TLN1: variants seen among roughly 807,000 people sequenced by gnomAD.
The protein encoded by TLN1 is talin 1, also known as talin-1.
TLN1 carries 56 observed loss-of-function variants against 292.3 expected under a neutral mutation model. That is an observed-to-expected ratio of 0.19 (90% confidence interval 0.15 to 0.24). TLN1 has a LOEUF of 0.24. Among genes scored for constraint, TLN1 ranks in the 10% least tolerant of loss-of-function variants. The pLI, the probability that TLN1 is intolerant of heterozygous loss-of-function variation, is 1.00. For missense variants in TLN1, 2,433 were observed against 3,248.2 expected (o/e 0.75, Z 6.10); for synonymous variants, 1,119 against 1,253.7 (o/e 0.89, Z 2.27).
At chr9:35,720,998 C>T in intron 10 of TLN1, 85 bp from the exon 11 acceptor site, 1 of 1,017,568 alleles carries the variant, frequency 9.8e-7, no homozygotes, top group South Asian at 1.4e-5. Context: ...CAAGGTTGAG[C>T]TGATGAGATG....
intron 20 of TLN1, among the ~76,000 whole-genome samples, chr9:35,715,487 G>A (rs938902152): frequency 1.3e-5 from 2 of 152,126 alleles, no homozygotes; most frequent in Non-Finnish European, 2.9e-5. Context: ...CTGGACAAAG[G>A]AGGACTCAGT....
Position 35,720,930 on chromosome 9 carries a change from G to T in TLN1, c.1105-17C>A. 1 of 1,584,530 alleles carries T rather than the reference G, an allele frequency of 6.3e-7. No homozygotes were observed. The highest frequency in any genetic ancestry group is 8.7e-7 in the Non-Finnish European group (1 of 1,153,216). On this transcript the variant is annotated splice_polypyrimidine_tract_variant and intron_variant, in intron 10 of 56. Transcript: ENST00000314888. ...TCCAAAATCCTAGGGTGACAAGTGG[G>T]GGACTCAGAGGGAAAGCTCAAATCT... is the stretch of plus-strand genomic sequence containing the variant.
At chr9:35,708,561 G>T in intron 33 of TLN1, 77 bp from the exon 34 acceptor site, 1 of 1,382,716 alleles carries the variant, frequency 7.2e-7, no homozygotes, top group East Asian at 2.6e-5. Context: ...AGGGACAAAA[G>T]AGAGCAGAGG....
At chr9:35,718,279 T>C (rs1312495857) in intron 17 of TLN1, among the ~76,000 whole-genome samples, 1 of 152,176 alleles carries the variant, frequency 6.6e-6, no homozygotes, top group Non-Finnish European at 1.5e-5. Context: ...CCCAGGAGGC[T>C]GAGGAAGAAG....
chr9:35,698,273 G>T lies in TLN1; in HGVS notation c.7371+50C>A, dbSNP rs1218314383. ...AGAAACATACATCTCGGGAGTGACA[G>T]TTTGAAGCAGTATAGCCCAAGGGAC... On this transcript the variant is annotated intron_variant, in intron 55 of 56. Coordinates refer to ENST00000314888, the MANE Select transcript of TLN1 (RefSeq NM_006289.4). The surrounding 1 kb of genome is among the most constrained non-coding windows in gnomAD (Gnocchi z 5.3). 3 of 1,609,342 alleles carry T rather than the reference G, an allele frequency of 1.9e-6. No homozygotes were observed. Among genetic ancestry groups the T allele is most frequent in the Non-Finnish European group, 1.7e-6 (2 of 1,176,408 alleles).
Position 35,703,632 on chromosome 9 carries a change from G to A in TLN1, c.6402C>T (p.Ala2134=), listed in dbSNP as rs765980763. Residue 2134 remains alanine (A), a synonymous_variant, in exon 48 of 57, where the codon GCC becomes GCT. Coordinates refer to ENST00000314888, the MANE Select transcript of TLN1 (RefSeq NM_006289.4). ...TGCCTTTGGTGGCCTCATCTTCCAC[G>A]GCTTTTACTGTCTTAAGCAATGATG... is the stretch of plus-strand genomic sequence containing the variant. ...NVTSLLKTVK[A]VEDEATKGTR... 6.8e-6 allele frequency: 11 copies of A among 1,614,138 alleles called. No individual in the cohort carries two copies. Among genetic ancestry groups the A allele is most frequent in the South Asian group, 5.5e-5 (5 of 91,072 alleles).
At chr9:35,703,529 CTA>C in intron 48 of TLN1, 29 bp downstream of exon 48, 1 of 1,591,568 alleles carries the variant, frequency 6.3e-7, no homozygotes, top group Non-Finnish European at 8.6e-7. Flanking sequence ...CTCTCTGACC[CTA>C]GTCACTGATG....
rs1299589817 is a variant in TLN1 at position 35,698,724 on chromosome 9, T to C, written c.7126-45A>G. 4 of 1,613,978 alleles carry C rather than the reference T, an allele frequency of 2.5e-6. No homozygotes were observed. In the South Asian group the frequency reaches 4.4e-5, roughly 18 times the overall value. ...CTACTTAGACCTGCATTTTCCTCAC[T>C]TCAAAGACTCGCTGGCTATGGATGT... On this transcript the variant is annotated intron_variant, in intron 53 of 56. Coordinates refer to ENST00000314888, the MANE Select transcript of TLN1 (RefSeq NM_006289.4). The surrounding 1 kb of genome is among the most constrained non-coding windows in gnomAD (Gnocchi z 5.3).
chr9:35,730,615 T>C (rs1826058669), intron 1 of TLN1, among the ~76,000 whole-genome samples: 1 of 151,776 alleles, frequency 6.6e-6, no homozygotes, highest in Admixed American at 6.6e-5. Context: ...TTGATGAGGG[T>C]AAATTCAGGT....
In TLN1 at chr9:35,706,376, G is replaced by A. The variant is rs553928002; in HGVS notation, c.5191-10C>T. 4 of 1,610,292 alleles carry A rather than the reference G, an allele frequency of 2.5e-6. No homozygotes were observed. The highest frequency in any genetic ancestry group is 2.7e-5 in the African/African-American group (2 of 75,014). On this transcript the variant is annotated splice_polypyrimidine_tract_variant and intron_variant, in intron 39 of 56. Transcript: ENST00000314888. This position sits in a 1 kb window ranked among gnomAD's most constrained non-coding sequence, Gnocchi z 4.2. Reference sequence around the variant, plus strand: ...GCGCCATCTGGGACACCTGAGGCAAGGGGTTGGACTAGGGGTCAGGTCCCC... The same window carrying A: ...GCGCCATCTGGGACACCTGAGGCAAAGGGTTGGACTAGGGGTCAGGTCCCC...
At position 35,704,292 on chromosome 9, in the gene TLN1, C is replaced by G. The variant is rs1288944636; in HGVS notation, c.6047+40G>C. ...ATCCTGCCTCTTCCAGCCCCGTGCC[C>G]CGACCTGTCTGCCTCCCTTAGGCCC... On this transcript the variant is annotated intron_variant, in intron 45 of 56. Coordinates refer to ENST00000314888, the MANE Select transcript of TLN1 (RefSeq NM_006289.4). This position sits in a 1 kb window ranked among gnomAD's most constrained non-coding sequence, Gnocchi z 6.9. 1 of 1,600,640 alleles carries G rather than the reference C, an allele frequency of 6.2e-7. No individual in the cohort carries two copies. The highest frequency in any genetic ancestry group is 1.7e-5 in the Admixed American group (1 of 59,300).
At chr9:35,718,685 C>T (rs1825828210) in intron 17 of TLN1, 127 bp downstream of exon 17, 1 of 733,704 alleles carries the variant, frequency 1.4e-6, no homozygotes, top group African/African-American at 1.8e-5. Context: ...AGTATCATCC[C>T]CTGGAAATAG....
chr9:35,717,025 G>T lies in TLN1; in HGVS notation c.2458+121C>A. 1 of 1,135,542 alleles carries T rather than the reference G, an allele frequency of 8.8e-7. No individual in the cohort carries two copies. Among genetic ancestry groups the T allele is most frequent in the Non-Finnish European group, 1.2e-6 (1 of 809,912 alleles). 70.3% of individuals were successfully genotyped at this position (1,135,542 alleles called of 1,614,324 possible). A position where few individuals can be genotyped will look rare whatever the true frequency, so the allele number is the denominator to read the frequency against. On this transcript the variant is annotated intron_variant, in intron 19 of 56. Coordinates refer to ENST00000314888, the MANE Select transcript of TLN1 (RefSeq NM_006289.4). This position sits in a 1 kb window ranked among gnomAD's most constrained non-coding sequence, Gnocchi z 4.7. ...TGATGAGCCTATGGTTGTGTGGCTG[G>T]CAAGCCCACACTGTGCTGAGTTCCT...
rs572954421 is a variant in TLN1, at chr9:35,731,899, C to T, written c.-34+176G>A. ...ACATAGGACTGCTCCCAGGAAAGGC[C>T]TGTCTTCCCCAAGACGGCCTACTTC... On this transcript the variant is annotated intron_variant, in intron 1 of 56. Coordinates refer to ENST00000314888, the MANE Select transcript of TLN1 (RefSeq NM_006289.4). 1.6e-3 allele frequency among the ~76,000 whole-genome samples: 240 copies of T among 152,274 alleles called. 5 individuals carry two copies. In the South Asian group the frequency reaches 0.022, roughly 14 times the overall value.
At chr9:35,730,611 A>C (rs1826058625) in intron 1 of TLN1, among the ~76,000 whole-genome samples, 1 of 152,046 alleles carries the variant, frequency 6.6e-6, no homozygotes, top group Non-Finnish European at 1.5e-5. Context: ...GGTTTTGATG[A>C]GGGTAAATTC....
chr9:35,715,278 T>C (rs1825757550), intron 20 of TLN1, 91 bp from the exon 21 acceptor site: 2 of 1,494,910 alleles, frequency 1.3e-6, no homozygotes, highest in Non-Finnish European at 1.8e-6. Flanking sequence ...CAGTTTAAAA[T>C]TCATGTATTT....
rs1825808012 is a variant in TLN1 at position 35,717,538 on chromosome 9, C to T, written c.2163+81G>A. On this transcript the variant is annotated intron_variant, in intron 18 of 56. Coordinates refer to ENST00000314888, the MANE Select transcript of TLN1 (RefSeq NM_006289.4). This position sits in a 1 kb window ranked among gnomAD's most constrained non-coding sequence, Gnocchi z 4.7. Reference sequence around the variant, plus strand: ...GGGATGGGTGAGGAGGCCTCCAGAGCCAAAGAAATAAAATGAAAGGCTCAC... The same window carrying T: ...GGGATGGGTGAGGAGGCCTCCAGAGTCAAAGAAATAAAATGAAAGGCTCAC... 3.8e-6 allele frequency: 6 copies of T among 1,576,342 alleles called. No homozygotes were observed. The South Asian group carries it at 6.9e-5, about 18-fold the overall frequency.
At chr9:35,723,871 T>C in intron 7 of TLN1, 81 bp downstream of exon 7, 2 of 1,577,790 alleles carry the variant, frequency 1.3e-6, no homozygotes, top group Non-Finnish European at 1.7e-6. Flanking sequence ...GGGGGCAGGC[T>C]TGGAATGGAG....
At chr9:35,731,531 T>C (rs1295819522) in intron 1 of TLN1, among the ~76,000 whole-genome samples, 2 of 148,004 alleles carry the variant, frequency 1.4e-5, no homozygotes, top group Non-Finnish European at 3.0e-5. Context: ...CAACATTCTT[T>C]AATCCCTCAA....
Sources: allele counts gnomAD v4.1 joint callset (sites outside exome capture counted in the v4.1 genomes callset), GRCh38; gene constraint gnomAD v4.1.1; non-coding constraint Gnocchi (gnomAD v3.1); transcripts MANE v1.5; gene names NCBI Gene and HGNC (gene_info 2026-07-23, HGNC 2026-07-21).